Variants in WDR47 observed in about 807,000 individuals in gnomAD.
WDR47 encodes the protein WD repeat domain 47, also known as WD repeat-containing protein 47.
Under a neutral mutation model 97.2 loss-of-function variants are expected in WDR47, and 32 were observed. The ratio of observed to expected loss-of-function variants is 0.33; its 90% CI spans 0.25 to 0.44. WDR47 has a LOEUF of 0.44. Ranked by LOEUF, WDR47 falls within the 20% of genes least tolerant of loss-of-function variation. WDR47 has a pLI of 1.00. For missense variants in WDR47, 782 were observed against 1,102.3 expected (o/e 0.71, Z 4.11); for synonymous variants, 375 against 373.5 (o/e 1.00, Z -0.05).
intron 5 of WDR47, among the ~76,000 whole-genome samples, chr1:109,009,789 G>A (rs1321083341): frequency 1.3e-5 from 2 of 152,110 alleles, no homozygotes; most frequent in African/African-American, 4.8e-5. Context: ...GCTGAGATCA[G>A]GAGTTCATGA....
chr1:109,030,017 TTTAA>T (rs1427845018), intron 1 of WDR47: 1 of 412,928 alleles, frequency 2.4e-6, no homozygotes, highest in Non-Finnish European at 4.2e-6. Flanking sequence ...GCAGATATGA[TTTAA>T]TTAAATGTCC....
In WDR47 at chr1:109,031,440, T is replaced by A. The variant is rs985286521; in HGVS notation, c.-9-7919A>T. Among the ~76,000 whole-genome samples, 5 of 139,590 alleles carry A rather than the reference T, an allele frequency of 3.6e-5. No individual in the cohort carries two copies. The East Asian group carries it at 1.1e-3, about 29-fold the overall frequency. The allele number at this position is 139,590 out of a possible 152,430, so 91.6% of individuals were successfully genotyped here. A position where few individuals can be genotyped will look rare whatever the true frequency, so the allele number is the denominator to read the frequency against. ...TAAGAAATTGGTGATACTGGTTGTA[T>A]CCTAGAAGGAAAACTAGATAAGAAT... On this transcript the variant is annotated intron_variant, in intron 1 of 14. Transcript: ENST00000369962.
chr1:108,970,487 G>A lies in WDR47; in HGVS notation c.*943C>T, dbSNP rs1164165254. The A allele has an allele frequency of 6.6e-6, 1 of 152,550 alleles. No homozygotes were observed. Among genetic ancestry groups the A allele is most frequent in the Non-Finnish European group, 1.5e-5 (1 of 68,016 alleles). 9.4% of individuals were successfully genotyped at this position (152,550 alleles called of 1,614,324 possible). On this transcript the variant is annotated 3_prime_UTR_variant, in exon 15 of 15. Transcript: ENST00000369962. The stretch of plus-strand genomic sequence containing the variant: ...TCATTATTCTGCATTACACAAAACA[G>A]TGCAAGAAAAAAATCCAAATAAGCT...
chr1:109,040,096 A>G (rs1441373619), intron 1 of WDR47, among the ~76,000 whole-genome samples: 2 of 152,118 alleles, frequency 1.3e-5, no homozygotes, highest in African/African-American at 2.4e-5. Context: ...TTTCAACTCA[A>G]AGCCCATTCT....
At chr1:108,996,559 T>C (rs1238858723) in intron 7 of WDR47, among the ~76,000 whole-genome samples, 2 of 152,176 alleles carry the variant, frequency 1.3e-5, no homozygotes, top group East Asian at 1.9e-4. Context: ...AAGTAGGAAA[T>C]GGATGACTTG....
At chr1:108,982,586 C>G (rs745981385) in intron 12 of WDR47, 23 bp downstream of exon 12, 1 of 1,557,670 alleles carries the variant, frequency 6.4e-7, no homozygotes, top group Non-Finnish European at 8.6e-7. Flanking sequence ...AGAAAAACAG[C>G]ACTTGAAACT....
At chr1:109,017,493 C>G (rs967042434) in intron 3 of WDR47, 25 bp downstream of exon 3, 2 of 1,582,954 alleles carry the variant, frequency 1.3e-6, no homozygotes, top group Non-Finnish European at 1.7e-6. Context: ...TGATGAGACA[C>G]TAAAAACTTT....
intron 8 of WDR47, chr1:108,992,893 A>G (rs1263609246): frequency 8.0e-6 from 10 of 1,255,904 alleles, no homozygotes; most frequent in Admixed American, 1.9e-5. Flanking sequence ...TCCATAGAAA[A>G]TAGAGGTGAG....
rs1657393048 is a variant in WDR47, at chr1:108,970,802, C to T, written c.*628G>A. On this transcript the variant is annotated 3_prime_UTR_variant, in exon 15 of 15. Coordinates refer to ENST00000369962, the MANE Select transcript of WDR47 (RefSeq NM_001142551.2). ...ATTATATGACAAAATAATCATATCC[C>T]TGGGTTTAAGAAAAAAGGGCCTATA... 1 of 152,426 alleles carries T rather than the reference C, an allele frequency of 6.6e-6. No individual in the cohort carries two copies. The highest frequency in any genetic ancestry group is 2.4e-5 in the African/African-American group (1 of 41,432). 9.4% of individuals were successfully genotyped at this position (152,426 alleles called of 1,614,324 possible). A position where few individuals can be genotyped will look rare whatever the true frequency, so the allele number is the denominator to read the frequency against.
At position 108,971,637 on chromosome 1, in the gene WDR47, TC is replaced by T; in HGVS notation, c.2618-66del. 3.8e-6 allele frequency: 6 copies of T among 1,564,684 alleles called. No homozygotes were observed. In the South Asian group the frequency reaches 6.9e-5, roughly 18 times the overall value. ...AGTATATGTATAGATTGTATAGACT[TC>T]CTGTTACTTTAAGACATTACAGTAT... On this transcript the variant is annotated intron_variant, in intron 14 of 14. Coordinates refer to ENST00000369962, the MANE Select transcript of WDR47 (RefSeq NM_001142551.2).
chr1:109,023,028 C>T (rs1005716607), intron 2 of WDR47, among the ~76,000 whole-genome samples: 7 of 151,346 alleles, frequency 4.6e-5, no homozygotes, highest in Admixed American at 1.3e-4. Context: ...CATGGTGAAA[C>T]CCCATCTCTA....
At position 109,011,635 on chromosome 1, in the gene WDR47, G is replaced by C. The variant is rs779069985; in HGVS notation, c.411C>G (p.Leu137=). The change falls in exon 5 of 15, where the codon CTC becomes CTG. Residue 137 remains leucine, a synonymous_variant. Transcript: ENST00000369962. ...GACGAGGCAAAGTCAAAAGCAAACA[G>C]AGCTTACTATAGTCATCTTTAGAAG... is the stretch of plus-strand genomic sequence containing the variant. ...YCPSKDDYSK[L]CLLLTLPRLT... is the part of the protein sequence containing the mutation. The C allele has an allele frequency of 1.9e-6, 3 of 1,614,060 alleles. No individual in the cohort carries two copies. Among genetic ancestry groups the C allele is most frequent in the Non-Finnish European group, 2.5e-6 (3 of 1,180,042 alleles).
chr1:109,015,093 G>A (rs111762117), intron 3 of WDR47, among the ~76,000 whole-genome samples: 3 of 152,234 alleles, frequency 2.0e-5, no homozygotes, highest in African/African-American at 7.2e-5. Flanking sequence ...AATCAGAAGT[G>A]TACCAGGTAA....
At chr1:109,016,015 G>A (rs1445415855) in intron 3 of WDR47, among the ~76,000 whole-genome samples, 1 of 151,492 alleles carries the variant, frequency 6.6e-6, no homozygotes, top group Non-Finnish European at 1.5e-5. Flanking sequence ...GAAATTTAAG[G>A]GGTTATATTC....
At chr1:109,024,845 G>A (rs1662088478) in intron 1 of WDR47, 1 of 152,036 alleles carries the variant, frequency 6.6e-6, no homozygotes, top group Non-Finnish European at 1.5e-5. Context: ...TACACATGTG[G>A]ACTGGGTGTA....
intron 1 of WDR47, among the ~76,000 whole-genome samples, chr1:109,034,442 TAAATA>T (rs1662797539): frequency 6.6e-6 from 1 of 152,204 alleles, no homozygotes. Flanking sequence ...GCAGAATTGG[TAAATA>T]AATTATGGTA....
intron 13 of WDR47, among the ~76,000 whole-genome samples, chr1:108,979,767 G>C (rs1017708589): frequency 2.6e-5 from 4 of 152,142 alleles, no homozygotes; most frequent in African/African-American, 9.7e-5. Context: ...GTTTTGGTTA[G>C]ATCAGTAGTC....
intron 13 of WDR47, among the ~76,000 whole-genome samples, chr1:108,977,428 A>C (rs908891711): frequency 8.5e-5 from 13 of 152,276 alleles, no homozygotes; most frequent in African/African-American, 3.1e-4. Context: ...TGCTGGAATT[A>C]CAGGTATGAG....
rs779173894 is a variant in WDR47, at chr1:109,011,473, G to A, written c.573C>T (p.Asn191=). The A allele has an allele frequency of 6.2e-7, 1 of 1,614,140 alleles. No homozygotes were observed. Among genetic ancestry groups the A allele is most frequent in the Non-Finnish European group, 8.5e-7 (1 of 1,180,040 alleles). Residue 191 remains asparagine (N), a synonymous_variant, in exon 5 of 15, where the codon AAC becomes AAT. Transcript: ENST00000369962. ...KLSEAGFKAS[N]NRLFQLVMKG... ...TCATTACAAGCTGAAATAAACGATT[G>A]TTACTAGCCTTAAAACCAGCTTCAC...
Sources: gnomAD v4.1 joint callset for allele counts (sites outside exome capture counted in the v4.1 genomes callset) on GRCh38, gnomAD v4.1.1 for gene constraint, MANE v1.5 for transcripts, NCBI Gene and HGNC (gene_info 2026-07-23, HGNC 2026-07-21) for gene names.